SH3RF3: variants seen among roughly 807,000 people sequenced by gnomAD.
SH3RF3 encodes the protein E3 ubiquitin-protein ligase SH3RF3.
Under a neutral mutation model 66.3 loss-of-function variants are expected in SH3RF3, and 29 were observed. The observed-to-expected ratio is 0.44, with a 90% CI of 0.33 to 0.60. The LOEUF is 0.60. SH3RF3 is among the 20% of genes least tolerant of loss of function. SH3RF3 has a pLI of 0.04. For missense variants in SH3RF3, 1,194 were observed against 1,190.9 expected (o/e 1.00, Z -0.04); for synonymous variants, 583 against 532.0 (o/e 1.10, Z -1.32).
At chr2:109,441,550 A>G (rs1273757036) in intron 7 of SH3RF3, among the ~76,000 whole-genome samples, 1 of 152,262 alleles carries the variant, frequency 6.6e-6, no homozygotes, top group Non-Finnish European at 1.5e-5. Context: ...TCCGTGAGCA[A>G]TGGGACAACT....
rs546037467 is a variant in SH3RF3 at position 109,167,299 on chromosome 2, G to A, written c.573+37186G>A. On this transcript the variant is annotated intron_variant, in intron 1 of 9. Transcript: ENST00000309415. Reference sequence around the variant, plus strand: ...GACAAATCATAGGTACAGGAGATGCGGTAGAACCAATTAGAACAAGACTTC... The same window carrying A: ...GACAAATCATAGGTACAGGAGATGCAGTAGAACCAATTAGAACAAGACTTC... Among the ~76,000 whole-genome samples, 128 of 152,212 alleles carry A rather than the reference G, an allele frequency of 8.4e-4. 1 individual carries two copies. The highest frequency in any genetic ancestry group is 2.9e-3 in the African/African-American group (122 of 41,512).
chr2:109,398,884 C>T lies in SH3RF3; in HGVS notation c.1240C>T (p.Pro414Ser), dbSNP rs1318894119. The T allele has an allele frequency of 1.2e-6, 2 of 1,613,772 alleles. No individual in the cohort carries two copies. Among genetic ancestry groups the T allele is most frequent in the Non-Finnish European group, 1.7e-6 (2 of 1,179,882 alleles). Residue 414 changes from proline to serine, a missense_variant, in exon 4 of 10, where the codon CCC (proline) becomes TCC (serine). Transcript: ENST00000309415. The part of the protein sequence containing the change: ...SAPVLISSSD[P>S]RAAARIGDLA... ...TCCAGTGTTGATCAGCTCCAGCGAT[C>T]CCCGAGCCGCGGCCAGGATTGGAGA... is the stretch of plus-strand genomic sequence containing the variant.
chr2:109,275,427 T>G (rs1040226463), intron 1 of SH3RF3, among the ~76,000 whole-genome samples: 4 of 152,268 alleles, frequency 2.6e-5, no homozygotes, highest in Admixed American at 2.6e-4. Flanking sequence ...CTCCATTCAG[T>G]TGGACCGACA....
chr2:109,337,248 A>G (rs770934421), intron 1 of SH3RF3, among the ~76,000 whole-genome samples: 13 of 152,120 alleles, frequency 8.5e-5, no homozygotes, highest in Non-Finnish European at 1.6e-4. Flanking sequence ...TTGAGAGGTA[A>G]GAGCTTGGGC....
chr2:109,155,515 G>C (rs187286861), intron 1 of SH3RF3, among the ~76,000 whole-genome samples: 1 of 152,058 alleles, frequency 6.6e-6, no homozygotes, highest in Non-Finnish European at 1.5e-5. Context: ...GTTAGCCAGG[G>C]TGGTCTCGAT....
intron 8 of SH3RF3, among the ~76,000 whole-genome samples, chr2:109,457,966 G>T (rs1441552070): frequency 6.6e-6 from 1 of 152,180 alleles, no homozygotes. Flanking sequence ...ATAACTGAGG[G>T]AAATGTCGAG....
At chr2:109,486,228 T>G (rs1239958801) in intron 8 of SH3RF3, among the ~76,000 whole-genome samples, 1 of 152,250 alleles carries the variant, frequency 6.6e-6, no homozygotes, top group Admixed American at 6.5e-5. Context: ...ACTTCCTATG[T>G]TCTGTATCAG....
intron 5 of SH3RF3, among the ~76,000 whole-genome samples, chr2:109,426,446 G>A (rs116494267): frequency 9.2e-5 from 14 of 152,190 alleles, no homozygotes; most frequent in Non-Finnish European, 1.6e-4. Flanking sequence ...GGAAGTCACC[G>A]CAGATGTGGT....
chr2:109,321,462 T>C (rs1439691730), intron 1 of SH3RF3, among the ~76,000 whole-genome samples: 2 of 152,254 alleles, frequency 1.3e-5, no homozygotes, highest in Non-Finnish European at 2.9e-5. Context: ...TATAGTATTT[T>C]TAAAATTAGA....
chr2:109,348,203 G>A (rs1050523288), intron 2 of SH3RF3, among the ~76,000 whole-genome samples: 1 of 152,212 alleles, frequency 6.6e-6, no homozygotes. Context: ...ATAGGAGCTT[G>A]AGATAATATA....
At chr2:109,468,379 A>T (rs762534434) in intron 8 of SH3RF3, among the ~76,000 whole-genome samples, 3 of 152,224 alleles carry the variant, frequency 2.0e-5, no homozygotes, top group Non-Finnish European at 4.4e-5. Context: ...TCAGTAGGCA[A>T]CATGAATTTT....
intron 1 of SH3RF3, among the ~76,000 whole-genome samples, chr2:109,146,129 T>C (rs1385463592): frequency 6.6e-6 from 1 of 152,202 alleles, no homozygotes; most frequent in East Asian, 1.9e-4. Flanking sequence ...GTCACCACTG[T>C]TACTGTTCTT....
At chr2:109,234,890 G>T in intron 1 of SH3RF3, among the ~76,000 whole-genome samples, 1 of 152,224 alleles carries the variant, frequency 6.6e-6, no homozygotes, top group South Asian at 2.1e-4. Flanking sequence ...AGGATTCAGG[G>T]CAAACTAGTT....
rs572818712 is a variant in SH3RF3, at chr2:109,278,102, A to C, written c.574-69572A>C. 3.3e-5 allele frequency among the ~76,000 whole-genome samples: 5 copies of C among 151,174 alleles called. No individual in the cohort carries two copies. The South Asian group carries it at 6.3e-4, about 19-fold the overall frequency. ...TGAGGTGGGAGGATGGCTTGAGCCC[A>C]GGAGGTCTAGGCTGCAGTGAGCCAT... On this transcript the variant is annotated intron_variant, in intron 1 of 9. Coordinates refer to ENST00000309415, the MANE Select transcript of SH3RF3 (RefSeq NM_001099289.3).
intron 1 of SH3RF3, among the ~76,000 whole-genome samples, chr2:109,223,148 C>A (rs1306013995): frequency 6.6e-6 from 1 of 152,248 alleles, no homozygotes; most frequent in Non-Finnish European, 1.5e-5. Flanking sequence ...GAGGTTGCCA[C>A]CTTCTCCTGA....
intron 3 of SH3RF3, among the ~76,000 whole-genome samples, chr2:109,386,313 G>A (rs1205808071): frequency 6.6e-6 from 1 of 152,172 alleles, no homozygotes; most frequent in Admixed American, 6.5e-5. Flanking sequence ...AGGTGACATT[G>A]TGTGGCTTCT....
intron 1 of SH3RF3, among the ~76,000 whole-genome samples, chr2:109,298,336 G>T (rs1290935822): frequency 6.6e-6 from 1 of 152,110 alleles, no homozygotes; most frequent in Non-Finnish European, 1.5e-5. Flanking sequence ...TGTCATCCTT[G>T]TCCCTGCAGT....
At chr2:109,130,284 C>G (rs1314615014) in intron 1 of SH3RF3, among the ~76,000 whole-genome samples, 171 bp downstream of exon 1, 1 of 152,210 alleles carries the variant, frequency 6.6e-6, no homozygotes, top group Non-Finnish European at 1.5e-5. Flanking sequence ...GCATCCGGCC[C>G]CTGGGCAGCT....
At chr2:109,433,353 T>C (rs565272620) in intron 6 of SH3RF3, among the ~76,000 whole-genome samples, 1 of 152,392 alleles carries the variant, frequency 6.6e-6, no homozygotes, top group Admixed American at 6.5e-5. Context: ...CAGTGTTTAA[T>C]AAGTTCTCAG....
Sources: gnomAD v4.1 joint callset for allele counts (sites outside exome capture counted in the v4.1 genomes callset) on GRCh38, gnomAD v4.1.1 for gene constraint, MANE v1.5 for transcripts, NCBI Gene and HGNC (gene_info 2026-07-23, HGNC 2026-07-21) for gene names.